Variants in ZEB1 observed in about 807,000 individuals in gnomAD.
The protein encoded by ZEB1 is zinc finger E-box binding homeobox 1, also known as zinc finger E-box-binding homeobox 1.
A neutral mutation model predicts 84.9 loss-of-function variants in ZEB1; 21 were observed. That is an observed-to-expected ratio of 0.25 (90% CI 0.18 to 0.36). The LOEUF is 0.36. ZEB1 is among the 10% of genes least tolerant of loss of function. ZEB1 has a pLI of 1.00. For synonymous variants in ZEB1, 420 were observed against 471.1 expected, an observed-to-expected ratio of 0.89 and a Z score of 1.41; for missense variants, 1,104 against 1,330.2, an observed-to-expected ratio of 0.83 and a Z score of 2.65.
intron 1 of ZEB1, among the ~76,000 whole-genome samples, chr10:31,382,908 A>T (rs1040578709): frequency 1.3e-5 from 2 of 152,114 alleles, no homozygotes; most frequent in African/African-American, 4.8e-5. Context: ...ATAATAAAGA[A>T]ATATGAGGTT....
intron 2 of ZEB1, among the ~76,000 whole-genome samples, chr10:31,462,602 AG>A (rs2137512390): frequency 6.6e-6 from 1 of 152,316 alleles, no homozygotes; most frequent in South Asian, 2.1e-4. Context: ...CAGGCAAAAG[AG>A]GCAACATACA....
At chr10:31,388,604 C>A (rs1300501849) in intron 1 of ZEB1, among the ~76,000 whole-genome samples, 2 of 152,126 alleles carry the variant, frequency 1.3e-5, no homozygotes, top group East Asian at 3.9e-4. Context: ...TAGAACTAGT[C>A]TTGGTTATTA....
intron 1 of ZEB1, among the ~76,000 whole-genome samples, chr10:31,332,679 G>A (rs1396128536): frequency 1.3e-5 from 2 of 152,142 alleles, no homozygotes; most frequent in African/African-American, 4.8e-5. Context: ...AGGTTATGCT[G>A]TATACTACAA....
intron 1 of ZEB1, among the ~76,000 whole-genome samples, chr10:31,427,107 T>TA (rs1232092523): frequency 1.3e-5 from 2 of 151,868 alleles, no homozygotes; most frequent in Non-Finnish European, 2.9e-5. Context: ...CGGATGCATA[T>TA]AGGTGTGTGC....
intron 1 of ZEB1, among the ~76,000 whole-genome samples, chr10:31,427,849 A>G (rs560919396): frequency 6.9e-6 from 1 of 145,260 alleles, no homozygotes; most frequent in East Asian, 2.0e-4. Flanking sequence ...ACTGAGCAAG[A>G]CTCCATCTCA....
At chr10:31,346,075 T>G (rs989943794) in intron 1 of ZEB1, among the ~76,000 whole-genome samples, 1 of 152,190 alleles carries the variant, frequency 6.6e-6, no homozygotes, top group African/African-American at 2.4e-5. Context: ...TTTCTTACTG[T>G]GTCCAGTTGT....
chr10:31,343,588 A>G (rs181258071), intron 1 of ZEB1, among the ~76,000 whole-genome samples: 106 of 152,140 alleles, frequency 7.0e-4, no homozygotes, highest in African/African-American at 2.4e-3. Context: ...TGTCTTTCAC[A>G]GAAATTAGTA....
intron 1 of ZEB1, among the ~76,000 whole-genome samples, chr10:31,415,217 C>T (rs1455796301): frequency 6.6e-6 from 1 of 152,104 alleles, no homozygotes; most frequent in Non-Finnish European, 1.5e-5. Flanking sequence ...AGAGAGAGAA[C>T]AGGATTTCTG....
In ZEB1 at chr10:31,461,019, T is replaced by G. The variant is rs772983571; in HGVS notation, c.59-18T>G. The G allele has an allele frequency of 1.2e-6, 2 of 1,602,616 alleles. No individual in the cohort carries two copies. Among genetic ancestry groups the G allele is most frequent in the East Asian group, 4.5e-5 (2 of 44,722 alleles). ...TTACTAGTTGGTTTTGATTATTTGT[T>G]TCTTGTTTGTATTACAGTTACAAAT... On this transcript the variant is annotated intron_variant, in intron 1 of 8. Coordinates refer to ENST00000424869, the MANE Select transcript of ZEB1 (RefSeq NM_001174096.2).
intron 1 of ZEB1, among the ~76,000 whole-genome samples, chr10:31,339,079 A>G (rs978143560): frequency 1.3e-5 from 2 of 152,160 alleles, no homozygotes; most frequent in African/African-American, 4.8e-5. Context: ...CAAATCCTTT[A>G]GAGTAATAGT....
At position 31,415,854 on chromosome 10, in the gene ZEB1, A is replaced by G. The variant is rs75723810; in HGVS notation, c.59-45183A>G. On this transcript the variant is annotated intron_variant, in intron 1 of 8. Transcript: ENST00000424869. ...AATGGTTGATTTCTCTTTCATTGTA[A>G]TACAATAATAAAAAAGTTACTCAGA... 5.7e-3 allele frequency among the ~76,000 whole-genome samples: 863 copies of G among 152,146 alleles called. 11 individuals are homozygous for G. Among genetic ancestry groups the G allele is most frequent in the African/African-American group, 0.02 (823 of 41,556 alleles).
intron 1 of ZEB1, among the ~76,000 whole-genome samples, chr10:31,425,043 A>T (rs543925924): frequency 3.6e-4 from 55 of 152,016 alleles, no homozygotes; most frequent in Non-Finnish European, 7.5e-4. Flanking sequence ...GAAAATTTGA[A>T]AACATTTGGT....
chr10:31,445,877 CT>C (rs1416042726), intron 1 of ZEB1, among the ~76,000 whole-genome samples: 6 of 120,532 alleles, frequency 5.0e-5, no homozygotes, highest in Non-Finnish European at 6.8e-5. Flanking sequence ...CTAAAATTCT[CT>C]TTTTTGGTTG....
intron 2 of ZEB1, among the ~76,000 whole-genome samples, chr10:31,471,964 G>A (rs1054586423): frequency 2.2e-5 from 3 of 136,386 alleles, no homozygotes; most frequent in African/African-American, 1.1e-4. Context: ...AATGACTACT[G>A]GGTACCTAAC....
At chr10:31,390,562 G>A (rs1041414983) in intron 1 of ZEB1, among the ~76,000 whole-genome samples, 3 of 152,162 alleles carry the variant, frequency 2.0e-5, no homozygotes, top group African/African-American at 7.2e-5. Flanking sequence ...ACAGCACAAC[G>A]CTGCTATCAT....
rs879409189 is a variant in ZEB1, at chr10:31,527,484, C to A, written c.*220C>A. On this transcript the variant is annotated 3_prime_UTR_variant, in exon 9 of 9. Transcript: ENST00000424869. ...AATCCGGGTGTGCCTGAACCTCAGA[C>A]CTAGTAATTTTTCATGCAGTTTTCA... is the stretch of plus-strand genomic sequence containing the variant. 3.3e-6 allele frequency: 2 copies of A among 598,834 alleles called. No individual in the cohort carries two copies. The highest frequency in any genetic ancestry group is 5.5e-6 in the Non-Finnish European group (2 of 361,162). The allele number at this position is 598,834 out of a possible 1,614,324, so 37.1% of individuals were successfully genotyped here.
At chr10:31,401,770 T>C in intron 1 of ZEB1, among the ~76,000 whole-genome samples, 1 of 152,180 alleles carries the variant, frequency 6.6e-6, no homozygotes, top group East Asian at 1.9e-4. Flanking sequence ...AGCTTTTATA[T>C]GGTAATTTTT....
intron 1 of ZEB1, among the ~76,000 whole-genome samples, chr10:31,355,705 G>A (rs2042005841): frequency 6.6e-6 from 1 of 152,132 alleles, no homozygotes; most frequent in Non-Finnish European, 1.5e-5. Context: ...AACAGAAATA[G>A]CATCTACAAA....
intron 1 of ZEB1, among the ~76,000 whole-genome samples, chr10:31,349,303 T>G (rs1249952712): frequency 6.6e-6 from 1 of 152,206 alleles, no homozygotes; most frequent in Non-Finnish European, 1.5e-5. Flanking sequence ...TACTACATTC[T>G]CTCTATCAGT....
Sources: gnomAD v4.1 joint callset for allele counts (sites outside exome capture counted in the v4.1 genomes callset) on GRCh38, gnomAD v4.1.1 for gene constraint, MANE v1.5 for transcripts, NCBI Gene and HGNC (gene_info 2026-07-23, HGNC 2026-07-21) for gene names.